The following BNIP5 variants were observed in gnomAD, a reference collection of about 807,000 sequenced individuals.
BNIP5 encodes the protein BCL2 interacting protein 5, also known as protein BNIP5.
In BNIP5, 61 loss-of-function variants were observed where a neutral mutation model predicts 67.3. That is an observed-to-expected ratio of 0.91 (90% CI 0.74 to 1.12). The LOEUF is 1.12. BNIP5 is among the 50% of genes most tolerant of loss of function. The pLI, the probability that BNIP5 is intolerant of heterozygous loss-of-function variation, is 0.00. For synonymous variants in BNIP5, 317 were observed against 319.0 expected, an observed-to-expected ratio of 0.99 and a Z score of 0.07; for missense variants, 826 against 816.3, an observed-to-expected ratio of 1.01 and a Z score of -0.14.
Position 36,326,541 on chromosome 6 carries a change from G to A in BNIP5, c.1005C>T (p.Ser335=), listed in dbSNP as rs765053362. Residue 335 remains serine, a synonymous_variant, in exon 5 of 12, where the codon AGC becomes AGT. Coordinates refer to ENST00000437635, the MANE Select transcript of BNIP5 (RefSeq NM_001010903.5). The part of the protein sequence containing the change: ...KKSSFLPLCV[S]GHRPSISSSY... ...TGCTGGAGATGGAAGGCCGATGGCC[G>A]CTGACACACAGGGGCAGAAAGCTGG... 6 of 1,614,118 alleles carry A rather than the reference G, an allele frequency of 3.7e-6. No homozygotes were observed. The highest frequency in any genetic ancestry group is 2.7e-5 in the African/African-American group (2 of 74,938).
Position 36,322,315 on chromosome 6 carries a change from T to A in BNIP5, c.1599A>T (p.Glu533Asp). 1 of 1,614,058 alleles carries A rather than the reference T, an allele frequency of 6.2e-7. No homozygotes were observed. ...EGAPQLSGAC[E>D]SKEIIIQKLV... is the part of the protein sequence containing the mutation. The stretch of plus-strand genomic sequence containing the variant: ...AAGAGCAGGGGTGTTACTGACTAGA[T>A]TCACATGCTCCACTCAGCTGAGGTG... Residue 533 changes from glutamate (E) to aspartate (D), a missense_variant, in exon 9 of 12, where the codon GAA (glutamate) becomes GAT (aspartate). Physicochemically the swap from Glu to Asp is conservative, Grantham distance 45. Transcript: ENST00000437635.
chr6:36,334,522 C>G (rs138007529), intron 1 of BNIP5, among the ~76,000 whole-genome samples: 1 of 152,138 alleles, frequency 6.6e-6, no homozygotes, highest in Non-Finnish European at 1.5e-5. Flanking sequence ...CCCTCTCCCC[C>G]GCTCCAACTG....
intron 2 of BNIP5, among the ~76,000 whole-genome samples, chr6:36,329,624 A>G (rs1771838672): frequency 1.3e-5 from 2 of 152,122 alleles, no homozygotes; most frequent in Non-Finnish European, 2.9e-5. Context: ...CAGCCTGGCC[A>G]ACATGGTGAA....
intron 1 of BNIP5, 74 bp from the exon 2 acceptor site, chr6:36,330,768 T>G: frequency 6.7e-7 from 1 of 1,494,360 alleles, no homozygotes; most frequent in Non-Finnish European, 8.8e-7. Flanking sequence ...TTGTTTTGTT[T>G]GTTTTTGTTT....
At chr6:36,334,678 C>T (rs778933827) in intron 1 of BNIP5, among the ~76,000 whole-genome samples, 16 of 152,158 alleles carry the variant, frequency 1.1e-4, no homozygotes, top group Non-Finnish European at 2.4e-4. Flanking sequence ...GTCTCTAAGC[C>T]CTGGGAAGCT....
Position 36,325,391 on chromosome 6 carries a change from C to G in BNIP5, c.1060G>C (p.Glu354Gln), listed in dbSNP as rs1771739246. 1 of 1,612,922 alleles carries G rather than the reference C, an allele frequency of 6.2e-7. No homozygotes were observed. The highest frequency in any genetic ancestry group is 1.3e-5 in the African/African-American group (1 of 74,740). ...SYGLEEPKVQ[E>Q]APSTEAGAPG... is the part of the protein sequence containing the mutation. ...GCCCCAGCCTCTGTAGATGGGGCCTCCTGGACTTTAGGTTCTTCCAAGCCT... is the reference window on the plus strand; with the variant it reads ...GCCCCAGCCTCTGTAGATGGGGCCTGCTGGACTTTAGGTTCTTCCAAGCCT... Residue 354 changes from glutamate (E) to glutamine (Q), a missense_variant, in exon 6 of 12, where the codon GAG (glutamate) becomes CAG (glutamine). Coordinates refer to ENST00000437635, the MANE Select transcript of BNIP5 (RefSeq NM_001010903.5).
At chr6:36,335,525 A>G (rs1382666122) in intron 1 of BNIP5, among the ~76,000 whole-genome samples, 1 of 152,212 alleles carries the variant, frequency 6.6e-6, no homozygotes, top group Non-Finnish European at 1.5e-5. Flanking sequence ...TATGTGACCA[A>G]GCTCACCGCT....
At chr6:36,323,196 T>C in intron 8 of BNIP5, 97 bp downstream of exon 8, 1 of 1,495,940 alleles carries the variant, frequency 6.7e-7, no homozygotes, top group Non-Finnish European at 9.2e-7. Flanking sequence ...ACAGTGGACA[T>C]CCTCCACTAT....
At chr6:36,333,241 G>A (rs1232241219) in intron 1 of BNIP5, among the ~76,000 whole-genome samples, 6 of 152,250 alleles carry the variant, frequency 3.9e-5, no homozygotes, top group African/African-American at 1.4e-4. Flanking sequence ...GAGGCCATTG[G>A]GGCCGAGTGT....
chr6:36,326,803 G>T (rs1269765298), intron 4 of BNIP5, 50 bp from the exon 5 acceptor site: 54 of 1,608,242 alleles, frequency 3.4e-5, no homozygotes, highest in Non-Finnish European at 4.6e-5. Context: ...CTGAGAGGGG[G>T]AAAGCTCTCT....
At chr6:36,334,505 C>G (rs1248566902) in intron 1 of BNIP5, among the ~76,000 whole-genome samples, 1 of 152,124 alleles carries the variant, frequency 6.6e-6, no homozygotes, top group East Asian at 1.9e-4. Context: ...CAGTCCAGCT[C>G]TCTCCTCCCT....
At chr6:36,321,371 C>T (rs985746170) in intron 9 of BNIP5, 152 bp from the exon 10 acceptor site, 5 of 632,408 alleles carry the variant, frequency 7.9e-6, no homozygotes, top group Non-Finnish European at 1.4e-5. Flanking sequence ...TGGACCCAGA[C>T]AATTCTTACC....
At chr6:36,317,925 T>G (rs1484080009) in intron 11 of BNIP5, among the ~76,000 whole-genome samples, 2 of 152,236 alleles carry the variant, frequency 1.3e-5, no homozygotes, top group Admixed American at 6.5e-5. Context: ...CAGATCGATC[T>G]GTAAGCTATT....
chr6:36,330,725 TTTTTGTTTGTTTG>T (rs1312766394), intron 1 of BNIP5, 31 bp from the exon 2 acceptor site: 1 of 1,517,376 alleles, frequency 6.6e-7, no homozygotes, highest in Non-Finnish European at 8.7e-7. Flanking sequence ...TCCCTTAGTT[TTTTTGTTTGTTTG>T]TTTTGATTTG....
Position 36,319,400 on chromosome 6 carries a change from C to T in BNIP5, c.1879G>A (p.Asp627Asn), listed in dbSNP as rs145146028. The change falls in exon 11 of 12, where the codon GAC becomes AAC. Residue 627 changes from aspartate (D) to asparagine (N), a missense_variant. Physicochemically the swap from Asp to Asn is conservative, Grantham distance 23. Transcript: ENST00000437635. ...GGGAACTGGGTGCAATTGTAGTGGT[C>T]TCTTAGGCCCATGAGGATGCACATG... The part of the protein sequence containing the change: ...HAMCILMGLR[D>N]HYNCTQFPYR... 277 of 1,614,154 alleles carry T rather than the reference C, an allele frequency of 1.7e-4. 1 individual carries two copies. In the African/African-American group the frequency reaches 3.0e-3, roughly 18 times the overall value.
chr6:36,321,423 T>C (rs758842614), intron 9 of BNIP5, among the ~76,000 whole-genome samples: 28 of 152,208 alleles, frequency 1.8e-4, no homozygotes, highest in Non-Finnish European at 3.5e-4. Flanking sequence ...TTGGGTTCCC[T>C]TTACAGAAAT....
chr6:36,320,429 G>A (rs1424923785), intron 10 of BNIP5, among the ~76,000 whole-genome samples: 1 of 152,218 alleles, frequency 6.6e-6, no homozygotes, highest in African/African-American at 2.4e-5. Flanking sequence ...TTGGTTGAGG[G>A]TTGCTCATGG....
At chr6:36,321,123 G>C in intron 10 of BNIP5, 32 bp downstream of exon 10, 1 of 1,482,986 alleles carries the variant, frequency 6.7e-7, no homozygotes. Flanking sequence ...GAGGCCCTGG[G>C]GTTGGCCTGG....
rs747325955 is a variant in BNIP5, at chr6:36,324,116, G to T, written c.1230+13C>A. 5 of 1,609,702 alleles carry T rather than the reference G, an allele frequency of 3.1e-6. No individual in the cohort carries two copies. In the Middle Eastern group the frequency reaches 6.6e-4, roughly 213 times the overall value. On this transcript the variant is annotated intron_variant, in intron 7 of 11. Coordinates refer to ENST00000437635, the MANE Select transcript of BNIP5 (RefSeq NM_001010903.5). ...CAGTGAGGTCAGGGTTACATGGGGA[G>T]CGTCTTCCTCACCTCCTCTCCTTGC...
Sources: allele counts gnomAD v4.1 joint callset (sites outside exome capture counted in the v4.1 genomes callset), GRCh38; gene constraint gnomAD v4.1.1; transcripts MANE v1.5; gene names NCBI Gene and HGNC (gene_info 2026-07-23, HGNC 2026-07-21).